C2CD3: variants seen among roughly 807,000 people sequenced by gnomAD.
C2CD3 encodes C2 domain containing 3 centriole elongation regulator.
A neutral mutation model predicts 234.0 loss-of-function variants in C2CD3; 148 were observed. The ratio of observed to expected loss-of-function variants is 0.63; its 90% CI spans 0.55 to 0.72. The LOEUF is 0.72. C2CD3 is among the 30% of genes least tolerant of loss of function. C2CD3 has a pLI of 0.00. For missense variants in C2CD3, 2,577 were observed against 2,811.5 expected (o/e 0.92, Z 1.89); for synonymous variants, 1,000 against 1,035.4 (o/e 0.97, Z 0.66).
rs1230503740 is a variant in C2CD3 at position 74,033,452 on chromosome 11, G to A, written c.6708C>T (p.Ser2236=). 1 of 1,536,158 alleles carries A rather than the reference G, an allele frequency of 6.5e-7. No homozygotes were observed. Among genetic ancestry groups the A allele is most frequent in the Non-Finnish European group, 8.7e-7 (1 of 1,146,908 alleles). ...GTGGTCCCTTATGGTTTTCCCTTCT[G>A]CTCTGGGAGGCTAGATTTAGCGGCA... is the stretch of plus-strand genomic sequence containing the variant. The part of the protein sequence containing the change: ...KKLPLNLASQ[S]RRENHKGPPI... The change falls in exon 31 of 33, where the codon AGC becomes AGT. Residue 2236 remains serine, a synonymous_variant. Transcript: ENST00000334126.
chr11:74,085,320 T>C (rs780707057), intron 21 of C2CD3, among the ~76,000 whole-genome samples: 5 of 151,980 alleles, frequency 3.3e-5, no homozygotes, highest in Non-Finnish European at 5.9e-5. Flanking sequence ...AAATTAAATG[T>C]TTTGAAAAAA....
At chr11:74,122,276 T>C (rs180734260) in intron 8 of C2CD3, among the ~76,000 whole-genome samples, 209 of 152,352 alleles carry the variant, frequency 1.4e-3, no homozygotes, top group Middle Eastern at 3.4e-3. Flanking sequence ...TTCTTCATTA[T>C]GGTTTTTCCC....
At chr11:74,115,788 T>G (rs1234267012) in intron 9 of C2CD3, among the ~76,000 whole-genome samples, 1 of 152,090 alleles carries the variant, frequency 6.6e-6, no homozygotes, top group Non-Finnish European at 1.5e-5. Flanking sequence ...CATAGACCAA[T>G]GGAACAGAAT....
chr11:74,152,488 C>T (rs1855731438), intron 3 of C2CD3, among the ~76,000 whole-genome samples: 1 of 152,202 alleles, frequency 6.6e-6, no homozygotes, highest in African/African-American at 2.4e-5. Context: ...TCTACGTTAA[C>T]TCTTCCAATA....
At chr11:74,134,253 A>G (rs1356297507) in intron 5 of C2CD3, among the ~76,000 whole-genome samples, 1 of 152,244 alleles carries the variant, frequency 6.6e-6, no homozygotes, top group Non-Finnish European at 1.5e-5. Context: ...TACACGCAAT[A>G]CATCTATAAC....
At chr11:74,017,454 A>G (rs939394018) in intron 32 of C2CD3, among the ~76,000 whole-genome samples, 2 of 152,220 alleles carry the variant, frequency 1.3e-5, no homozygotes, top group Non-Finnish European at 2.9e-5. Flanking sequence ...TGTGTCTTAA[A>G]AGAGCCTTCA....
At chr11:74,044,513 C>T (rs1221033574) in intron 28 of C2CD3, among the ~76,000 whole-genome samples, 1 of 150,068 alleles carries the variant, frequency 6.7e-6, no homozygotes, top group East Asian at 1.9e-4. Flanking sequence ...GTTGTCTTTT[C>T]ACTTTCTTGA....
intron 3 of C2CD3, among the ~76,000 whole-genome samples, chr11:74,144,568 C>A (rs1340709692): frequency 6.6e-6 from 1 of 152,082 alleles, no homozygotes; most frequent in Non-Finnish European, 1.5e-5. Flanking sequence ...GCACAGTACC[C>A]GACAGGTTTT....
At chr11:74,037,822 A>G (rs1403946031) in intron 29 of C2CD3, 124 bp from the exon 30 acceptor site, 3 of 709,248 alleles carry the variant, frequency 4.2e-6, no homozygotes, top group African/African-American at 3.5e-5. Flanking sequence ...GTCTATTAAT[A>G]TACTAAGTCC....
At chr11:74,075,915 A>G (rs957372889) in intron 23 of C2CD3, among the ~76,000 whole-genome samples, 1 of 152,228 alleles carries the variant, frequency 6.6e-6, no homozygotes, top group Non-Finnish European at 1.5e-5. Context: ...CAAGAGGATA[A>G]AAAGCTCAGA....
At position 74,098,181 on chromosome 11, in the gene C2CD3, A is replaced by G. The variant is rs1956180544; in HGVS notation, c.2807T>C (p.Ile936Thr). ...ATTTTGGTGGCCTGAAAACACATCA[A>G]TCACAGGCATGTAGCTGTCGACAGC... ...VVAVDSYMPV[I>T]DVFSGHQNGS... Residue 936 changes from isoleucine to threonine, a missense_variant, in exon 16 of 33, where the codon ATT becomes ACT. Transcript: ENST00000334126. 2 of 1,614,012 alleles carry G rather than the reference A, an allele frequency of 1.2e-6. No homozygotes were observed. The highest frequency in any genetic ancestry group is 4.5e-5 in the East Asian group (2 of 44,892).
rs780147528 is a variant in C2CD3, at chr11:74,033,828, G to C, written c.6332C>G (p.Ser2111Cys). ...QPDEVQREGPSCPSPGPFCRE... is the reference protein window; with the variant it reads ...QPDEVQREGPCCPSPGPFCRE... ...GCAGAAAGGCCCTGGAGAAGGACAA[G>C]AGGGGCCTTCCCTCTGCACCTCGTC... Residue 2111 changes from serine (S) to cysteine (C), a missense_variant, in exon 31 of 33, where the codon TCT becomes TGT. Ser to Cys is a moderately radical substitution (Grantham distance 112). Transcript: ENST00000334126. 227 of 1,536,116 alleles carry C rather than the reference G, an allele frequency of 1.5e-4. No homozygotes were observed. Among genetic ancestry groups the C allele is most frequent in the Non-Finnish European group, 1.9e-4 (215 of 1,146,934 alleles).
rs752484359 is a variant in C2CD3 at position 74,141,033 on chromosome 11, T to C, written c.484-1205A>G. Among the ~76,000 whole-genome samples, 148 of 152,066 alleles carry C rather than the reference T, an allele frequency of 9.7e-4. 1 individual carries two copies. Among genetic ancestry groups the C allele is most frequent in the Non-Finnish European group, 3.5e-4 (24 of 68,014 alleles). On this transcript the variant is annotated intron_variant, in intron 3 of 32. Coordinates refer to ENST00000334126, the MANE Select transcript of C2CD3 (RefSeq NM_001286577.2). ...AAGGATATACTCCAAAGGAAAAGAA[T>C]AGTAGCGCTGAAAGTTCAGTTTCAA...
intron 21 of C2CD3, 178 bp downstream of exon 21, chr11:74,085,440 T>C: frequency 1.6e-6 from 1 of 617,748 alleles, no homozygotes; most frequent in East Asian, 2.8e-5. Context: ...CTCTACACTA[T>C]CTTTCTCTTA....
At chr11:74,025,711 A>G (rs1430271696) in intron 32 of C2CD3, among the ~76,000 whole-genome samples, 2 of 152,000 alleles carry the variant, frequency 1.3e-5, no homozygotes, top group Non-Finnish European at 2.9e-5. Context: ...AGTAGGGAGG[A>G]TACGAGGGCT....
chr11:74,118,515 G>A (rs1401211470), intron 8 of C2CD3, 133 bp from the exon 9 acceptor site: 4 of 577,944 alleles, frequency 6.9e-6, no homozygotes, highest in Non-Finnish European at 8.9e-6. Context: ...TGACACCAGG[G>A]AGATAATCCC....
chr11:74,127,318 A>G (rs1957445356), intron 7 of C2CD3, among the ~76,000 whole-genome samples: 1 of 152,186 alleles, frequency 6.6e-6, no homozygotes, highest in Admixed American at 6.5e-5. Flanking sequence ...TCTTTCAATT[A>G]GCATGTTTTT....
chr11:74,078,261 C>T lies in C2CD3; in HGVS notation c.4457G>A (p.Arg1486Lys). 6.2e-7 allele frequency: 1 copy of T among 1,614,180 alleles called. No individual in the cohort carries two copies. Among genetic ancestry groups the T allele is most frequent in the East Asian group, 2.2e-5 (1 of 44,884 alleles). The change falls in exon 23 of 33, where the codon AGG becomes AAG. Residue 1486 changes from arginine (R) to lysine (K), a missense_variant. Arg to Lys is a conservative substitution (Grantham distance 26, BLOSUM62 2). Transcript: ENST00000334126. ...TRGPSLLWYF[R>K]EERLEIQVWR... is the part of the protein sequence containing the mutation. ...CACTTGGATCTCTAGCCTCTCCTCC[C>T]TGAAGTACCAAAGCAGTGATGGGCC...
chr11:74,087,284 C>G (rs1401071605), intron 20 of C2CD3, among the ~76,000 whole-genome samples: 1 of 152,028 alleles, frequency 6.6e-6, no homozygotes, highest in Non-Finnish European at 1.5e-5. Flanking sequence ...TGAGGATAGG[C>G]TGGGTGCGGT....
Sources: gnomAD v4.1 joint callset for allele counts (sites outside exome capture counted in the v4.1 genomes callset) on GRCh38, gnomAD v4.1.1 for gene constraint, MANE v1.5 for transcripts, NCBI Gene and HGNC (gene_info 2026-07-23, HGNC 2026-07-21) for gene names.